Variants in CDKN2B-AS1 observed in about 807,000 individuals in gnomAD.
CDKN2B-AS1 encodes CDKN2B antisense RNA 1 (non-protein coding).
intron 4 of CDKN2B-AS1, among the ~76,000 whole-genome samples, chr9:22,064,393 G>C (rs1046598551): frequency 6.6e-6 from 1 of 152,120 alleles, no homozygotes; most frequent in African/African-American, 2.4e-5. Flanking sequence ...AAAATGTTGG[G>C]CTTATTGGGG....
At chr9:22,020,589 G>A (rs1003069756) in intron 1 of CDKN2B-AS1, among the ~76,000 whole-genome samples, 2 of 152,130 alleles carry the variant, frequency 1.3e-5, no homozygotes, top group African/African-American at 4.8e-5. Context: ...GTGTGAGATA[G>A]TATCTCATTG....
chr9:22,104,950 T>C (rs368006819), intron 4 of CDKN2B-AS1, among the ~76,000 whole-genome samples: 1 of 152,188 alleles, frequency 6.6e-6, no homozygotes, highest in Non-Finnish European at 1.5e-5. Flanking sequence ...AGAAGTTTTA[T>C]AATTACTCTC....
Position 21,996,829 on chromosome 9 carries a change from G to T in CDKN2B-AS1, n.29+1668G>T, listed in dbSNP as rs368782482. Among the ~76,000 whole-genome samples the T allele has an allele frequency of 6.6e-6, 1 of 152,240 alleles. No homozygotes were observed. The highest frequency in any genetic ancestry group is 2.4e-5 in the African/African-American group (1 of 41,464). ...CATTTAAAGATACTGGAGGAATGGAGTGGGAGCGGTGAGGGTTTCTTGGGC... is the reference window on the plus strand; with the variant it reads ...CATTTAAAGATACTGGAGGAATGGATTGGGAGCGGTGAGGGTTTCTTGGGC... On this transcript the variant is annotated intron_variant and non_coding_transcript_variant, in intron 1 of 4. Coordinates refer to ENST00000650946, the Ensembl canonical transcript of CDKN2B-AS1. This position sits in a 1 kb window ranked among gnomAD's most constrained non-coding sequence, Gnocchi z 5.4.
intron 4 of CDKN2B-AS1, among the ~76,000 whole-genome samples, chr9:22,056,963 T>C (rs1329451837): frequency 1.3e-5 from 2 of 152,160 alleles, no homozygotes; most frequent in Non-Finnish European, 2.9e-5. Flanking sequence ...GACATTCACC[T>C]AGTAGCTTAG....
At chr9:22,123,652 G>A (rs1196726257) in intron 4 of CDKN2B-AS1, among the ~76,000 whole-genome samples, 2 of 152,142 alleles carry the variant, frequency 1.3e-5, no homozygotes, top group African/African-American at 4.8e-5. Flanking sequence ...AAAAAACCCT[G>A]ACATTGTTTA....
At chr9:22,078,614 T>G (rs1467911172) in intron 4 of CDKN2B-AS1, among the ~76,000 whole-genome samples, 2 of 149,476 alleles carry the variant, frequency 1.3e-5, no homozygotes, top group African/African-American at 5.1e-5. Flanking sequence ...GTTAAAATGC[T>G]AAATTCTGAT....
In CDKN2B-AS1 at chr9:22,000,793, G is replaced by GA. The variant is rs1820885512; in HGVS notation, n.29+5638dup. On this transcript the variant is annotated intron_variant and non_coding_transcript_variant, in intron 1 of 4. Coordinates refer to ENST00000650946, the Ensembl canonical transcript of CDKN2B-AS1. This position sits in a 1 kb window ranked among gnomAD's most constrained non-coding sequence, Gnocchi z 4.1. ...TAACAGTACTTGCAGCTTAATTAAA[G>GA]AAAAAATGCAAGTATCTTATTTATA... Among the ~76,000 whole-genome samples, 1 of 152,006 alleles carries GA rather than the reference G, an allele frequency of 6.6e-6. No homozygotes were observed. The highest frequency in any genetic ancestry group is 1.5e-5 in the Non-Finnish European group (1 of 67,968).
In CDKN2B-AS1 at chr9:22,022,173, A is replaced by C. The variant is rs573011447; in HGVS notation, n.30-24578A>C. Among the ~76,000 whole-genome samples, 5 of 150,936 alleles carry C rather than the reference A, an allele frequency of 3.3e-5. No individual in the cohort carries two copies. The South Asian group carries it at 1.1e-3, about 32-fold the overall frequency. On this transcript the variant is annotated intron_variant and non_coding_transcript_variant, in intron 1 of 4. Transcript: ENST00000650946. ...AGTTTTGTATATATCTATCAGGTTC[A>C]TTTGATCCAGTGTTGAGTTCAGGTC... is the stretch of plus-strand genomic sequence containing the variant.
chr9:22,103,809 C>T (rs1046639303), intron 4 of CDKN2B-AS1, among the ~76,000 whole-genome samples: 3 of 152,124 alleles, frequency 2.0e-5, no homozygotes, highest in Admixed American at 6.5e-5. Flanking sequence ...ATACCAAACA[C>T]TAACAGGCAC....
At chr9:22,017,114 A>G (rs903429033) in intron 1 of CDKN2B-AS1, among the ~76,000 whole-genome samples, 4 of 152,188 alleles carry the variant, frequency 2.6e-5, no homozygotes, top group Non-Finnish European at 5.9e-5. Context: ...TTTTATTTTT[A>G]GTGGGAAATG....
intron 4 of CDKN2B-AS1, chr9:22,066,301 A>T (rs1455719986): frequency 6.6e-6 from 1 of 151,674 alleles, no homozygotes; most frequent in Non-Finnish European, 1.5e-5. Flanking sequence ...GCAACCTTGA[A>T]CTCCCAGGCT....
exon 5 of CDKN2B-AS1, among the ~76,000 whole-genome samples, chr9:22,127,737 AG>A (rs1394315402): frequency 6.6e-6 from 1 of 152,202 alleles, no homozygotes; most frequent in Non-Finnish European, 1.5e-5. Context: ...TAGAAGGGAA[AG>A]ATTGTGGATT....
At chr9:22,024,370 CCTCCCTGCA>C in intron 1 of CDKN2B-AS1, among the ~76,000 whole-genome samples, 1 of 152,180 alleles carries the variant, frequency 6.6e-6, no homozygotes, top group Non-Finnish European at 1.5e-5. Flanking sequence ...GGGGTGCCTG[CCTCCCTGCA>C]GGCATTCACC....
chr9:22,127,263 G>A (rs1364735693), exon 5 of CDKN2B-AS1, among the ~76,000 whole-genome samples: 1 of 152,010 alleles, frequency 6.6e-6, no homozygotes, highest in Non-Finnish European at 1.5e-5. Context: ...TGTAGTTTTG[G>A]TAGAGATGGT....
At chr9:22,090,992 C>A (rs200629181) in intron 4 of CDKN2B-AS1, among the ~76,000 whole-genome samples, 2 of 152,018 alleles carry the variant, frequency 1.3e-5, no homozygotes, top group African/African-American at 2.4e-5. Context: ...CCATCTTGAA[C>A]TAATTTTTGT....
chr9:22,029,326 T>C (rs1245428665), intron 1 of CDKN2B-AS1: 2 of 724,186 alleles, frequency 2.8e-6, no homozygotes, highest in Non-Finnish European at 5.1e-6. Context: ...AGCCTGATCA[T>C]GTGTGGTCTG....
intron 4 of CDKN2B-AS1, among the ~76,000 whole-genome samples, chr9:22,095,198 C>T (rs1178802133): frequency 6.9e-6 from 1 of 144,702 alleles, no homozygotes; most frequent in Non-Finnish European, 1.5e-5. Flanking sequence ...GGTACCCAGC[C>T]GTGTGAGGTG....
intron 1 of CDKN2B-AS1, among the ~76,000 whole-genome samples, chr9:22,025,950 T>C (rs1822218135): frequency 6.6e-6 from 1 of 152,210 alleles, no homozygotes; most frequent in Middle Eastern, 3.4e-3. Context: ...ACAGCAAATA[T>C]GGTGGGCTGC....
chr9:22,092,188 G>C (rs1432010715), intron 4 of CDKN2B-AS1: 2 of 152,176 alleles, frequency 1.3e-5, no homozygotes, highest in African/African-American at 4.8e-5. Flanking sequence ...GATCATGGTG[G>C]ATAAGCCTTT....
Sources: gnomAD v4.1 joint callset for allele counts (sites outside exome capture counted in the v4.1 genomes callset) on GRCh38, gnomAD v4.1.1 for gene constraint, Gnocchi (gnomAD v3.1) non-coding constraint, MANE v1.5 for transcripts, NCBI Gene and HGNC (gene_info 2026-07-23, HGNC 2026-07-21) for gene names.